RREB1: variants seen among roughly 807,000 people sequenced by gnomAD.
RREB1 encodes the protein ras-responsive element-binding protein 1.
RREB1 carries 27 observed loss-of-function variants against 117.8 expected under a neutral mutation model. The ratio of observed to expected loss-of-function variants is 0.23; its 90% CI spans 0.17 to 0.32. The LOEUF (loss-of-function observed/expected upper bound fraction) is 0.32. Ranked by LOEUF, RREB1 falls within the 10% of genes least tolerant of loss-of-function variation. The probability of loss-of-function intolerance (pLI) is 1.00; values close to 1 mark genes in which losing one functional copy is unlikely to be tolerated. For synonymous variants in RREB1, 1,298 were observed against 1,026.7 expected (o/e 1.26, Z -5.05); for missense variants, 2,577 against 2,378.2 (o/e 1.08, Z -1.74).
At position 7,246,606 on chromosome 6, in the gene RREB1, G is replaced by C. The variant is rs1325133899; in HGVS notation, c.4156G>C (p.Glu1386Gln). 38 of 1,560,650 alleles carry C rather than the reference G, an allele frequency of 2.4e-5. No homozygotes were observed. The highest frequency in any genetic ancestry group is 3.3e-5 in the Non-Finnish European group (38 of 1,152,784). ...GCACCGGGAAGAGCACGGGCGTGGG[G>C]AGAGCCATGAGCCGGAGGAGGAGCA... ...PVHREEHGRG[E>Q]SHEPEEEHGT... The change falls in exon 12 of 13, where the codon GAG (glutamate) becomes CAG (glutamine). Residue 1386 changes from glutamate (E) to glutamine (Q), a missense_variant. Coordinates refer to ENST00000379938, the MANE Select transcript of RREB1 (RefSeq NM_001003699.4).
intron 1 of RREB1, among the ~76,000 whole-genome samples, chr6:7,135,841 A>G (rs1286041802): frequency 6.6e-6 from 1 of 152,244 alleles, no homozygotes; most frequent in Non-Finnish European, 1.5e-5. Flanking sequence ...TCAACTGAGC[A>G]CAGGAAAGAA....
At chr6:7,201,217 G>A (rs1395384576) in intron 6 of RREB1, among the ~76,000 whole-genome samples, 4 of 152,162 alleles carry the variant, frequency 2.6e-5, no homozygotes, top group Non-Finnish European at 5.9e-5. Context: ...TCCTGAGTGT[G>A]TGTCCGGTTT....
intron 6 of RREB1, among the ~76,000 whole-genome samples, chr6:7,192,360 T>G (rs1189672238): frequency 1.3e-5 from 2 of 151,908 alleles, no homozygotes; most frequent in Admixed American, 1.3e-4. Flanking sequence ...TCCTGGCTAA[T>G]TTTTGTATTG....
Position 7,231,364 on chromosome 6 carries a change from C to T in RREB1, c.3265C>T (p.Pro1089Ser). 2.5e-6 allele frequency: 4 copies of T among 1,613,220 alleles called. No individual in the cohort carries two copies. Among genetic ancestry groups the T allele is most frequent in the Non-Finnish European group, 3.4e-6 (4 of 1,179,686 alleles). The change falls in exon 10 of 13, where the codon CCA (proline) becomes TCA (serine). Residue 1089 changes from proline to serine, a missense_variant. Transcript: ENST00000379938. ...CCTGCTGAAAACCAAGGTGGCGGAC[C>T]CAGGGCCCGCAAGCACTGGCAGTAA... is the stretch of plus-strand genomic sequence containing the variant. ...PTLLKTKVAD[P>S]GPASTGSNTT...
intron 4 of RREB1, among the ~76,000 whole-genome samples, chr6:7,184,240 C>G (rs1348056105): frequency 6.6e-6 from 1 of 151,698 alleles, no homozygotes; most frequent in Non-Finnish European, 1.5e-5. Context: ...TATCACAGTG[C>G]TGTCTTTTCT....
At chr6:7,208,595 G>A (rs960461839) in intron 6 of RREB1, among the ~76,000 whole-genome samples, 1 of 152,200 alleles carries the variant, frequency 6.6e-6, no homozygotes, top group African/African-American at 2.4e-5. Context: ...GGAGTGAGCC[G>A]CTGTCTGTCA....
rs930683173 is a variant in RREB1 at position 7,185,802 on chromosome 6, A to C, written c.172-1632A>C. ...CCTTGGGGTTAATCCTTTTGGTCAG[A>C]CTTTATATAGAGCATAGTGGCTTAG... On this transcript the variant is annotated intron_variant, in intron 4 of 12. Coordinates refer to ENST00000379938, the MANE Select transcript of RREB1 (RefSeq NM_001003699.4). 1.4e-4 allele frequency among the ~76,000 whole-genome samples: 21 copies of C among 152,264 alleles called. 1 individual carries two copies. Among genetic ancestry groups the C allele is most frequent in the Admixed American group, 3.9e-4 (6 of 15,294 alleles).
At chr6:7,201,848 G>A (rs1766003933) in intron 6 of RREB1, among the ~76,000 whole-genome samples, 1 of 152,154 alleles carries the variant, frequency 6.6e-6, no homozygotes, top group African/African-American at 2.4e-5. Flanking sequence ...CTGCCATGCT[G>A]CAGGTTCTTC....
rs1278242704 is a variant in RREB1 at position 7,231,234 on chromosome 6, G to A, written c.3135G>A (p.Leu1045=). ...LLSGTALLRP[L]RPKPPLLLPK... ...GTGGCACAGCCTTGCTGCGTCCACT[G>A]CGGCCCAAGCCCCCGCTGCTTTTGC... is the stretch of plus-strand genomic sequence containing the variant. Residue 1045 remains leucine, a synonymous_variant, in exon 10 of 13, where the codon CTG becomes CTA. Transcript: ENST00000379938. 1.9e-6 allele frequency: 3 copies of A among 1,612,466 alleles called. No homozygotes were observed. Among genetic ancestry groups the A allele is most frequent in the African/African-American group, 2.7e-5 (2 of 74,938 alleles).
chr6:7,239,191 T>C (rs2113159475), intron 10 of RREB1, among the ~76,000 whole-genome samples: 2 of 152,334 alleles, frequency 1.3e-5, no homozygotes, highest in Middle Eastern at 6.8e-3. Context: ...TCCAGGGAGC[T>C]GTGTTTAATT....
At chr6:7,142,960 C>A (rs1262673310) in intron 1 of RREB1, among the ~76,000 whole-genome samples, 1 of 152,186 alleles carries the variant, frequency 6.6e-6, no homozygotes, top group African/African-American at 2.4e-5. Flanking sequence ...TGGAAGCTTC[C>A]CAGGCGATGC....
At chr6:7,232,512 T>C (rs923506271) in intron 10 of RREB1, among the ~76,000 whole-genome samples, 4 of 152,294 alleles carry the variant, frequency 2.6e-5, no homozygotes, top group African/African-American at 9.6e-5. Context: ...TAGAATGTTT[T>C]AAAATTTCTG....
At chr6:7,219,325 G>C (rs1313570712) in intron 8 of RREB1, among the ~76,000 whole-genome samples, 1 of 152,146 alleles carries the variant, frequency 6.6e-6, no homozygotes, top group Non-Finnish European at 1.5e-5. Context: ...TTAAGACTTA[G>C]TGAATCTGAG....
intron 1 of RREB1, among the ~76,000 whole-genome samples, chr6:7,120,865 G>C (rs1325831385): frequency 3.4e-5 from 5 of 147,168 alleles, no homozygotes; most frequent in African/African-American, 1.3e-4. Flanking sequence ...TGTCACCCAG[G>C]CTGGAGTGCT....
chr6:7,180,997 T>G (rs1253634883), intron 2 of RREB1, 127 bp from the exon 3 acceptor site: 1 of 392,064 alleles, frequency 2.6e-6, no homozygotes, highest in Non-Finnish European at 4.5e-6. Flanking sequence ...AGGCAGACAT[T>G]GCCTCTCATT....
At chr6:7,169,183 G>T (rs2113489679) in intron 1 of RREB1, among the ~76,000 whole-genome samples, 1 of 152,342 alleles carries the variant, frequency 6.6e-6, no homozygotes, top group Non-Finnish European at 1.5e-5. Context: ...TTGCACCTGG[G>T]TCTACCTGAT....
At chr6:7,183,134 A>G (rs1046671642) in intron 4 of RREB1, 2 of 152,162 alleles carry the variant, frequency 1.3e-5, no homozygotes, top group African/African-American at 4.8e-5. Context: ...ATTTCTCCAC[A>G]CCTTGCTGAA....
chr6:7,118,992 G>A (rs1037434552), intron 1 of RREB1, among the ~76,000 whole-genome samples: 1 of 151,574 alleles, frequency 6.6e-6, no homozygotes, highest in Non-Finnish European at 1.5e-5. Flanking sequence ...GATTTTTATT[G>A]ATTCAATACA....
Position 7,211,622 on chromosome 6 carries a change from T to C in RREB1, c.620T>C (p.Val207Ala). The change falls in exon 8 of 13, where the codon GTC becomes GCC. Residue 207 changes from valine (V) to alanine (A), a missense_variant. Transcript: ENST00000379938. ...SGDLEKKADE[V>A]FHCPVCFKEF... The stretch of plus-strand genomic sequence containing the variant: ...GACTTGGAGAAGAAAGCTGATGAAG[T>C]CTTTCACTGCCCAGTATGTTTCAAG... 1 of 1,613,982 alleles carries C rather than the reference T, an allele frequency of 6.2e-7. No individual in the cohort carries two copies. Among genetic ancestry groups the C allele is most frequent in the Non-Finnish European group, 8.5e-7 (1 of 1,179,848 alleles).
Sources: allele counts gnomAD v4.1 joint callset (sites outside exome capture counted in the v4.1 genomes callset), GRCh38; gene constraint gnomAD v4.1.1; transcripts MANE v1.5; gene names NCBI Gene and HGNC (gene_info 2026-07-23, HGNC 2026-07-21).